Variants in POFUT4 observed in about 807,000 individuals in gnomAD.
POFUT4 encodes protein O-fucosyltransferase 4, also known as GDP-fucose protein O-fucosyltransferase 4.
the POFUT4 span, chr10:73,772,353 G>T: frequency 1.3e-6 from 2 of 1,494,208 alleles, no homozygotes; most frequent in Non-Finnish European, 1.8e-6. Flanking sequence ...GGCCCCATTA[G>T]GGTGGTGTTG....
At chr10:73,773,864 C>T in the POFUT4 span, 2 of 1,509,018 alleles carry the variant, frequency 1.3e-6, 1 homozygote, top group South Asian at 2.6e-5. Context: ...TACTTACTTG[C>T]TTACTGTGGG....
chr10:73,773,925 G>A, the POFUT4 span: 12 of 1,224,942 alleles, frequency 9.8e-6, no homozygotes, highest in African/African-American at 1.5e-5. Context: ...ATTATCACAT[G>A]GGCTCATTCT....
At chr10:73,772,684 G>A in the POFUT4 span, 8 of 1,561,836 alleles carry the variant, frequency 5.1e-6, 1 homozygote, top group South Asian at 9.2e-5. Context: ...ACTCGCGGAC[G>A]CGCGCGCTGC....
the POFUT4 span, chr10:73,779,258 T>TAA: frequency 7.7e-4 from 106 of 137,020 alleles, no homozygotes; most frequent in East Asian, 1.9e-3. Context: ...GACCTCTGTC[T>TAA]AAAAAAAAAA....
chr10:73,776,900 C>T, the POFUT4 span, among the ~76,000 whole-genome samples: 2 of 152,158 alleles, frequency 1.3e-5, no homozygotes, highest in African/African-American at 4.8e-5. Context: ...AGGATAGTCT[C>T]GATTTCTTGA....
At chr10:73,773,951 A>G in the POFUT4 span, 1 of 976,714 alleles carries the variant, frequency 1.0e-6, no homozygotes. Flanking sequence ...TAAGGTGTCA[A>G]CAGTCTAGTT....
the POFUT4 span, chr10:73,773,184 G>T: frequency 1.2e-6 from 2 of 1,604,822 alleles, no homozygotes; most frequent in South Asian, 2.2e-5. Context: ...ACTGTACCCG[G>T]TCTAGGTAGA....
the POFUT4 span, chr10:73,772,863 A>G: frequency 3.1e-6 from 5 of 1,612,174 alleles, no homozygotes; most frequent in Non-Finnish European, 4.2e-6. Flanking sequence ...CACTCGGATT[A>G]CCCGCTGTCG....
chr10:73,776,653 G>A, the POFUT4 span, among the ~76,000 whole-genome samples: 2 of 152,150 alleles, frequency 1.3e-5, no homozygotes, highest in Non-Finnish European at 2.9e-5. Flanking sequence ...CTGCACTCCA[G>A]CCTGGGTGAC....
At chr10:73,772,759 G>C in the POFUT4 span, 1 of 1,606,116 alleles carries the variant, frequency 6.2e-7, no homozygotes, top group Non-Finnish European at 8.5e-7. Context: ...ACCAGAGCTG[G>C]GCGCTCCTCC....
chr10:73,773,558 CACCA>C, the POFUT4 span: 2 of 1,614,260 alleles, frequency 1.2e-6, no homozygotes, highest in Non-Finnish European at 1.7e-6. Flanking sequence ...CTGGGGGCAT[CACCA>C]ACCAATTTCT....
At chr10:73,772,335 T>C in the POFUT4 span, 3 of 1,452,158 alleles carry the variant, frequency 2.1e-6, no homozygotes, top group Non-Finnish European at 2.7e-6. Flanking sequence ...GGAGTGGACA[T>C]GGCGGCCGGC....
chr10:73,777,705 T>C, the POFUT4 span, among the ~76,000 whole-genome samples: 1 of 151,932 alleles, frequency 6.6e-6, no homozygotes, highest in African/African-American at 2.4e-5. Context: ...CAGGCGCCCG[T>C]CACCACATCT....
the POFUT4 span, chr10:73,773,043 T>G: frequency 1.9e-6 from 3 of 1,566,682 alleles, no homozygotes; most frequent in East Asian, 6.8e-5. Context: ...CACATCCCGG[T>G]GAGTGAGGGC....
At chr10:73,773,211 C>T in the POFUT4 span, 1 of 1,612,122 alleles carries the variant, frequency 6.2e-7, no homozygotes, top group Non-Finnish European at 8.5e-7. Flanking sequence ...CGGGAAATGC[C>T]TGCAGAATCG....
the POFUT4 span, chr10:73,775,436 G>GA: frequency 1.9e-6 from 3 of 1,612,634 alleles, no homozygotes; most frequent in Non-Finnish European, 2.5e-6. Context: ...GTCCAAGTTA[G>GA]AGACCACTGT....
the POFUT4 span, chr10:73,772,539 G>T: frequency 6.4e-7 from 1 of 1,569,724 alleles, no homozygotes; most frequent in Non-Finnish European, 8.6e-7. Flanking sequence ...CGGCCAGGGA[G>T]GGAGGAGGCG....
At chr10:73,772,545 A>T in the POFUT4 span, 2 of 1,570,132 alleles carry the variant, frequency 1.3e-6, no homozygotes, top group Non-Finnish European at 1.7e-6. Context: ...GGGAGGGAGG[A>T]GGCGGGGGAC....
chr10:73,773,493 G>A, the POFUT4 span: 196 of 1,614,090 alleles, frequency 1.2e-4, no homozygotes, highest in Non-Finnish European at 1.6e-4. Flanking sequence ...AGAGTTTATT[G>A]ACTTTCTGGA....
Sources: allele counts gnomAD v4.1 joint callset (sites outside exome capture counted in the v4.1 genomes callset), GRCh38; gene constraint gnomAD v4.1.1; transcripts MANE v1.5; gene names NCBI Gene and HGNC (gene_info 2026-07-23, HGNC 2026-07-21).